The following DCTN4 variants were observed in gnomAD, a reference collection of about 807,000 sequenced individuals.
The protein encoded by DCTN4 is dynactin subunit 4, also known as dynactin 4 (p62).
Under a neutral mutation model 62.7 loss-of-function variants are expected in DCTN4, and 23 were observed. The ratio of observed to expected loss-of-function variants is 0.37; its 90% CI spans 0.26 to 0.52. The LOEUF is 0.52. DCTN4 is among the 20% of genes least tolerant of loss of function. The pLI is 0.92. For missense variants in DCTN4, 514 were observed against 580.4 expected (o/e 0.89, Z 1.18); for synonymous variants, 199 against 202.1 (o/e 0.98, Z 0.13).
chr5:150,737,040 A>C (rs1487920487), intron 4 of DCTN4, among the ~76,000 whole-genome samples: 1 of 152,234 alleles, frequency 6.6e-6, no homozygotes, highest in African/African-American at 2.4e-5. Context: ...TATAATGATA[A>C]AAGGACTAGT....
At chr5:150,723,028 T>A (rs1474872765) in intron 8 of DCTN4, 48 bp from the exon 9 acceptor site, 2 of 1,385,056 alleles carry the variant, frequency 1.4e-6, no homozygotes, top group Non-Finnish European at 2.0e-6. Context: ...ACAACACACT[T>A]TGTTGATCCA....
intron 8 of DCTN4, among the ~76,000 whole-genome samples, chr5:150,724,327 C>T (rs1760062952): frequency 1.3e-5 from 2 of 152,068 alleles, no homozygotes; most frequent in Non-Finnish European, 2.9e-5. Context: ...TGCCGATTTG[C>T]TGATATTAAC....
intron 7 of DCTN4, 58 bp downstream of exon 7, chr5:150,730,986 T>C (rs772673495): frequency 1.8e-6 from 2 of 1,095,140 alleles, no homozygotes; most frequent in East Asian, 2.4e-5. Flanking sequence ...GGTACATAAA[T>C]AACAAAAACA....
chr5:150,731,669 A>T, intron 5 of DCTN4, 180 bp from the exon 6 acceptor site: 1 of 639,282 alleles, frequency 1.6e-6, no homozygotes, highest in South Asian at 2.0e-5. Flanking sequence ...TCTATTCTTA[A>T]AATAATAACA....
In DCTN4 at chr5:150,713,465, A is replaced by G. The variant is rs1330484043; in HGVS notation, c.1169+2100T>C. On this transcript the variant is annotated intron_variant, in intron 12 of 12. Coordinates refer to ENST00000447998, the MANE Select transcript of DCTN4 (RefSeq NM_016221.4). Reference sequence around the variant, plus strand: ...CTTTTCTTTTTTTTTTTTTTTTGAGACGGAGTCTGGCTCTGTTGCCCAGGC... The same window carrying G: ...CTTTTCTTTTTTTTTTTTTTTTGAGGCGGAGTCTGGCTCTGTTGCCCAGGC... Among the ~76,000 whole-genome samples the G allele has an allele frequency of 4.3e-5, 6 of 139,130 alleles. No individual in the cohort carries two copies. In the East Asian group the frequency reaches 8.2e-4, roughly 19 times the overall value. 91.3% of individuals were successfully genotyped at this position (139,130 alleles called of 152,430 possible).
intron 8 of DCTN4, among the ~76,000 whole-genome samples, chr5:150,725,792 G>C (rs1760121485): frequency 6.6e-6 from 1 of 152,198 alleles, no homozygotes; most frequent in South Asian, 2.1e-4. Context: ...TCCAATGGCA[G>C]CAGCAGCATG....
At chr5:150,723,239 G>A (rs931712199) in intron 8 of DCTN4, among the ~76,000 whole-genome samples, 27 of 152,146 alleles carry the variant, frequency 1.8e-4, no homozygotes, top group African/African-American at 6.5e-4. Flanking sequence ...CACATACTGA[G>A]TACATACTGT....
chr5:150,736,509 A>C (rs1411182821), intron 4 of DCTN4, among the ~76,000 whole-genome samples: 1 of 152,254 alleles, frequency 6.6e-6, no homozygotes, highest in African/African-American at 2.4e-5. Flanking sequence ...CAGCGAAACT[A>C]AGCTTTGTAA....
In DCTN4 at chr5:150,710,380, T is replaced by G. The variant is rs746305373; in HGVS notation, c.*769A>C. The G allele has an allele frequency of 6.6e-6, 1 of 152,264 alleles. No individual in the cohort carries two copies. The highest frequency in any genetic ancestry group is 1.5e-5 in the Non-Finnish European group (1 of 68,040). The allele number at this position is 152,264 out of a possible 1,614,324, so 9.4% of individuals were successfully genotyped here. A position where few individuals can be genotyped will look rare whatever the true frequency, so the allele number is the denominator to read the frequency against. On this transcript the variant is annotated 3_prime_UTR_variant, in exon 13 of 13. Transcript: ENST00000447998. ...CTGTGGCAGCATTAATCCCTGGGTA[T>G]TGTGGCAATATTGAAAACGAATGGA...
At chr5:150,737,011 A>G (rs1045492960) in intron 4 of DCTN4, among the ~76,000 whole-genome samples, 7 of 152,212 alleles carry the variant, frequency 4.6e-5, no homozygotes, top group African/African-American at 1.7e-4. Context: ...ACAGTTAAAA[A>G]AGACAAAGTG....
At position 150,730,647 on chromosome 5, in the gene DCTN4, C is replaced by T. The variant is rs143385442; in HGVS notation, c.818G>A (p.Arg273Gln). The change falls in exon 8 of 13, where the codon CGG becomes CAG. Residue 273 changes from arginine (R) to glutamine (Q), a missense_variant. Physicochemically the swap from Arg to Gln is conservative, Grantham distance 43. Coordinates refer to ENST00000447998, the MANE Select transcript of DCTN4 (RefSeq NM_016221.4). ...YPRHKHLLIK[R>Q]SLRCRKCEHN... ...AATACTTACACGGCAGCGCAGGGAC[C>T]GTTTGATCAGAAGATGTTTGTGGCG... is the stretch of plus-strand genomic sequence containing the variant. 66 of 1,613,710 alleles carry T rather than the reference C, an allele frequency of 4.1e-5. No homozygotes were observed. Among genetic ancestry groups the T allele is most frequent in the African/African-American group, 8.0e-5 (6 of 74,902 alleles).
At chr5:150,725,610 A>G (rs1760114670) in intron 8 of DCTN4, among the ~76,000 whole-genome samples, 1 of 151,292 alleles carries the variant, frequency 6.6e-6, no homozygotes, top group South Asian at 2.1e-4. Flanking sequence ...ATCTTTTAAT[A>G]TTTCTTCTTT....
At chr5:150,755,600 T>A (rs1166665768) in intron 2 of DCTN4, 1 of 456,072 alleles carries the variant, frequency 2.2e-6, no homozygotes, top group Non-Finnish European at 4.4e-6. Flanking sequence ...CAAATCCTAA[T>A]GAAATGACAT....
At position 150,711,395 on chromosome 5, in the gene DCTN4, G is replaced by T. The variant is rs187031384; in HGVS notation, c.1170-33C>A. 1,053 of 1,574,564 alleles carry T rather than the reference G, an allele frequency of 6.7e-4. 8 individuals carry two copies. In the African/African-American group the frequency reaches 0.013, roughly 19 times the overall value. On this transcript the variant is annotated intron_variant, in intron 12 of 12. Transcript: ENST00000447998. Reference sequence around the variant, plus strand: ...AAGAAAAAAAAGCAAGTATTAGGTAGATAAAAAAATCAGCCAAACCACTAA... The same window carrying T: ...AAGAAAAAAAAGCAAGTATTAGGTATATAAAAAAATCAGCCAAACCACTAA...
At chr5:150,732,575 G>C (rs1581582351) in intron 5 of DCTN4, among the ~76,000 whole-genome samples, 1 of 152,288 alleles carries the variant, frequency 6.6e-6, no homozygotes, top group East Asian at 1.9e-4. Context: ...GTAAAATGGG[G>C]ATATGATACT....
intron 8 of DCTN4, among the ~76,000 whole-genome samples, chr5:150,730,377 C>G (rs772761214): frequency 9.9e-5 from 15 of 152,188 alleles, no homozygotes; most frequent in Non-Finnish European, 1.8e-4. Flanking sequence ...GGGGTTAACC[C>G]TATGTACTTA....
At chr5:150,746,921 GT>G (rs1752460525) in intron 3 of DCTN4, among the ~76,000 whole-genome samples, 1 of 152,182 alleles carries the variant, frequency 6.6e-6, no homozygotes, top group African/African-American at 2.4e-5. Flanking sequence ...TCAACATAGT[GT>G]TGGGAGTTCT....
rs1368426636 is a variant in DCTN4, at chr5:150,742,160, A to G, written c.386-3T>C. On this transcript the variant is annotated splice_polypyrimidine_tract_variant and splice_region_variant and intron_variant, in intron 3 of 12. Transcript: ENST00000447998. Reference sequence around the variant, plus strand: ...AGGTTCCTGCCAACCGCCACTAGCTACAAAATAAAAGAATATTAAACAAGA... The same window carrying G: ...AGGTTCCTGCCAACCGCCACTAGCTGCAAAATAAAAGAATATTAAACAAGA... The G allele has an allele frequency of 2.5e-6, 4 of 1,613,434 alleles. No homozygotes were observed. Among genetic ancestry groups the G allele is most frequent in the Non-Finnish European group, 3.4e-6 (4 of 1,179,492 alleles).
chr5:150,746,370 C>T (rs1333771943), intron 3 of DCTN4, among the ~76,000 whole-genome samples: 1 of 152,186 alleles, frequency 6.6e-6, no homozygotes, highest in African/African-American at 2.4e-5. Flanking sequence ...CAAGGAGGAA[C>T]TGGTACCATT....
Sources: gnomAD v4.1 joint callset for allele counts (sites outside exome capture counted in the v4.1 genomes callset) on GRCh38, gnomAD v4.1.1 for gene constraint, MANE v1.5 for transcripts, NCBI Gene and HGNC (gene_info 2026-07-23, HGNC 2026-07-21) for gene names.